PLPPR1: variants seen among roughly 807,000 people sequenced by gnomAD.
The protein encoded by PLPPR1 is phospholipid phosphatase related 1, also known as phospholipid phosphatase-related protein type 1.
A neutral mutation model predicts 33.1 loss-of-function variants in PLPPR1; 10 were observed. That is an observed-to-expected ratio of 0.30 (90% confidence interval 0.19 to 0.51). The LOEUF (loss-of-function observed/expected upper bound fraction) is 0.51, where lower values mean the gene tolerates loss of function less well. Among genes scored for constraint, PLPPR1 ranks in the 20% least tolerant of loss-of-function variants. The pLI, the probability that PLPPR1 is intolerant of heterozygous loss-of-function variation, is 0.97. For missense variants in PLPPR1, 304 were observed against 408.1 expected, an observed-to-expected ratio of 0.74 and a Z score of 2.20; for synonymous variants, 151 against 151.0, an observed-to-expected ratio of 1.00 and a Z score of 0.00.
chr9:101,119,979 C>T (rs749250754), intron 1 of PLPPR1, among the ~76,000 whole-genome samples: 85 of 152,318 alleles, frequency 5.6e-4, no homozygotes, highest in South Asian at 1.2e-3. Context: ...GCCAATCTAA[C>T]CTCACTTTAC....
chr9:101,115,337 A>T (rs1350181667), intron 1 of PLPPR1, among the ~76,000 whole-genome samples: 1 of 152,234 alleles, frequency 6.6e-6, no homozygotes, highest in African/African-American at 2.4e-5. Context: ...TTAGCCTGTG[A>T]GGGCGATTGT....
intron 2 of PLPPR1, among the ~76,000 whole-genome samples, chr9:101,234,192 A>G (rs1827247876): frequency 6.6e-6 from 1 of 151,910 alleles, no homozygotes; most frequent in Admixed American, 6.6e-5. Flanking sequence ...CGTGTCATCA[A>G]CATGGAGCCA....
At chr9:101,137,382 G>A (rs1286231329) in intron 1 of PLPPR1, among the ~76,000 whole-genome samples, 1 of 152,112 alleles carries the variant, frequency 6.6e-6, no homozygotes, top group Non-Finnish European at 1.5e-5. Flanking sequence ...GAAGTTGGAG[G>A]GACAAGAAAT....
chr9:101,140,295 C>T (rs1831433158), intron 1 of PLPPR1, among the ~76,000 whole-genome samples: 1 of 152,034 alleles, frequency 6.6e-6, no homozygotes, highest in African/African-American at 2.4e-5. Flanking sequence ...GTACAGAAGC[C>T]AATTTGAGTT....
At chr9:101,050,088 G>A (rs1564130441) in intron 1 of PLPPR1, among the ~76,000 whole-genome samples, 3 of 135,178 alleles carry the variant, frequency 2.2e-5, no homozygotes, top group African/African-American at 8.6e-5. Flanking sequence ...TCGTGCCACT[G>A]CACTCCAGCC....
chr9:101,152,228 C>T (rs1418927588), intron 1 of PLPPR1, among the ~76,000 whole-genome samples: 1 of 152,156 alleles, frequency 6.6e-6, no homozygotes, highest in Non-Finnish European at 1.5e-5. Flanking sequence ...ATCCTTTGCC[C>T]ACTTTTCGCT....
rs1831554632 is a variant in PLPPR1, at chr9:101,149,211, A to G, written c.-45-36239A>G. On this transcript the variant is annotated intron_variant, in intron 1 of 7. Transcript: ENST00000374874. The stretch of plus-strand genomic sequence containing the variant: ...TATGTTTAAAAGGAATAATTACCAT[A>G]AAACTCTATACATTACACATCCAGA... Among the ~76,000 whole-genome samples the G allele has an allele frequency of 3.9e-5, 6 of 152,238 alleles. No individual in the cohort carries two copies. In the South Asian group the frequency reaches 1.2e-3, roughly 31 times the overall value.
intron 1 of PLPPR1, among the ~76,000 whole-genome samples, chr9:101,130,204 A>T (rs1273368907): frequency 6.6e-6 from 1 of 152,190 alleles, no homozygotes; most frequent in African/African-American, 2.4e-5. Context: ...AAAGCAAAAA[A>T]AATTTGTACA....
In PLPPR1 at chr9:101,317,175, C is replaced by T. The variant is rs185048044; in HGVS notation, c.814-190C>T. Among the ~76,000 whole-genome samples, 94 of 152,196 alleles carry T rather than the reference C, an allele frequency of 6.2e-4. 1 individual carries two copies. Among genetic ancestry groups the T allele is most frequent in the East Asian group, 5.4e-3 (28 of 5,182 alleles). On this transcript the variant is annotated intron_variant, in intron 6 of 7. Transcript: ENST00000374874. ...AAAACAGACCCAATGGGGTGGAGAG[C>T]GATTATTACTGGTCATCTGGTGATT...
chr9:101,196,395 C>T (rs1365897639), intron 2 of PLPPR1, among the ~76,000 whole-genome samples: 2 of 152,084 alleles, frequency 1.3e-5, no homozygotes, highest in African/African-American at 4.8e-5. Flanking sequence ...AAGAACACTC[C>T]TAATAATCTA....
In PLPPR1 at chr9:101,212,410, G is replaced by T. The variant is rs554187283; in HGVS notation, c.63+26853G>T. 9.9e-5 allele frequency among the ~76,000 whole-genome samples: 15 copies of T among 152,066 alleles called. 1 individual carries two copies. The South Asian group carries it at 3.1e-3, about 32-fold the overall frequency. The stretch of plus-strand genomic sequence containing the variant: ...ATCTTTTGCTCTTCACTCACATTCC[G>T]TTGCTTTTGAGATGCCTTCTCTTCC... On this transcript the variant is annotated intron_variant, in intron 2 of 7. Coordinates refer to ENST00000374874, the MANE Select transcript of PLPPR1 (RefSeq NM_207299.2).
chr9:101,043,584 G>A (rs938716821), intron 1 of PLPPR1, among the ~76,000 whole-genome samples: 2 of 151,796 alleles, frequency 1.3e-5, no homozygotes, highest in Non-Finnish European at 1.5e-5. Flanking sequence ...TTGCAATTGC[G>A]AATTTCGCTG....
intron 4 of PLPPR1, among the ~76,000 whole-genome samples, chr9:101,303,297 G>A (rs1325881770): frequency 1.4e-5 from 2 of 146,070 alleles, no homozygotes; most frequent in Admixed American, 6.9e-5. Context: ...TTTTTGTTTG[G>A]TTTGGTTTGT....
At chr9:101,293,044 T>C (rs1019304146) in intron 4 of PLPPR1, among the ~76,000 whole-genome samples, 2 of 152,114 alleles carry the variant, frequency 1.3e-5, no homozygotes, top group Non-Finnish European at 2.9e-5. Flanking sequence ...CAGTGTGCTG[T>C]ATTCAGGAAA....
chr9:101,206,398 T>C lies in PLPPR1; in HGVS notation c.63+20841T>C, dbSNP rs370255782. On this transcript the variant is annotated intron_variant, in intron 2 of 7. Transcript: ENST00000374874. ...TATGCTGTAGGACTATATCTGAAAA[T>C]GCATAGTAAAATGCCTGCTGTTTTG... is the stretch of plus-strand genomic sequence containing the variant. 7.2e-5 allele frequency among the ~76,000 whole-genome samples: 11 copies of C among 152,316 alleles called. No individual in the cohort carries two copies. The East Asian group carries it at 2.1e-3, about 29-fold the overall frequency.
chr9:101,154,959 C>T, intron 1 of PLPPR1, among the ~76,000 whole-genome samples: 2 of 107,206 alleles, frequency 1.9e-5, no homozygotes, highest in South Asian at 3.1e-4. Flanking sequence ...TGGGGCCTCT[C>T]ATGGGGTGGG....
intron 1 of PLPPR1, among the ~76,000 whole-genome samples, chr9:101,078,541 A>G (rs1830578619): frequency 6.6e-6 from 1 of 151,856 alleles, no homozygotes; most frequent in Non-Finnish European, 1.5e-5. Flanking sequence ...AGTTAAAGTA[A>G]ATCTGGCCAG....
intron 2 of PLPPR1, among the ~76,000 whole-genome samples, chr9:101,217,971 CACTT>C (rs953946423): frequency 6.6e-6 from 1 of 152,124 alleles, no homozygotes; most frequent in Non-Finnish European, 1.5e-5. Flanking sequence ...TTTAAAAAGA[CACTT>C]ACCCTTTGAC....
At chr9:101,258,551 T>C (rs1255127400) in intron 2 of PLPPR1, among the ~76,000 whole-genome samples, 1 of 152,136 alleles carries the variant, frequency 6.6e-6, no homozygotes, top group Admixed American at 6.6e-5. Context: ...TTTTAGACCA[T>C]AGAGATCCTT....
Sources: allele counts gnomAD v4.1 joint callset (sites outside exome capture counted in the v4.1 genomes callset), GRCh38; gene constraint gnomAD v4.1.1; transcripts MANE v1.5; gene names NCBI Gene and HGNC (gene_info 2026-07-23, HGNC 2026-07-21).